Variants in TMEM243 observed in about 807,000 individuals in gnomAD.
The protein encoded by TMEM243 is transmembrane protein 243.
A neutral mutation model predicts 15.0 loss-of-function variants in TMEM243; 20 were observed. The ratio of observed to expected loss-of-function variants is 1.33; its 90% confidence interval spans 0.94 to 1.93. The LOEUF (loss-of-function observed/expected upper bound fraction) is 1.93. TMEM243 is among the 30% of genes most tolerant of loss of function. The probability of loss-of-function intolerance (pLI) is 0.00; values close to 1 mark genes in which losing one functional copy is unlikely to be tolerated. For synonymous variants in TMEM243, 72 were observed against 52.7 expected (o/e 1.37, Z -1.59); for missense variants, 156 against 142.1 (o/e 1.10, Z -0.50).
In TMEM243 at chr7:87,219,721, G is replaced by A; in HGVS notation, c.-218C>T. ...GCGCACCTCCTCATCTTGAGCAGCT[G>A]CCGCAGGAAGTGAAAGGAAACAAAC... On this transcript the variant is annotated 5_prime_UTR_variant, in exon 1 of 4. Transcript: ENST00000257637. The A allele has an allele frequency of 3.5e-6, 2 of 573,872 alleles. No homozygotes were observed. The highest frequency in any genetic ancestry group is 6.3e-5 in the Admixed American group (2 of 31,714). The allele number at this position is 573,872 out of a possible 1,614,324, so 35.5% of individuals were successfully genotyped here.
chr7:87,218,963 C>G (rs1431900144), intron 1 of TMEM243, among the ~76,000 whole-genome samples: 1 of 152,110 alleles, frequency 6.6e-6, no homozygotes, highest in African/African-American at 2.4e-5. Context: ...CACCTCAAGC[C>G]TCTCCCCTTT....
At chr7:87,204,786 T>C (rs1236778854) in intron 1 of TMEM243, among the ~76,000 whole-genome samples, 1 of 152,216 alleles carries the variant, frequency 6.6e-6, no homozygotes, top group Non-Finnish European at 1.5e-5. Flanking sequence ...TCGGTGAATC[T>C]ACCATTCTGG....
chr7:87,197,854 T>G (rs1232499451), intron 3 of TMEM243, 87 bp downstream of exon 3: 5 of 1,598,034 alleles, frequency 3.1e-6, no homozygotes, highest in Non-Finnish European at 4.3e-6. Context: ...GATACCCTTT[T>G]GTATAGACCC....
chr7:87,200,116 TAA>T (rs1465916893), intron 1 of TMEM243, among the ~76,000 whole-genome samples: 6 of 152,040 alleles, frequency 3.9e-5, no homozygotes, highest in African/African-American at 7.2e-5. Flanking sequence ...CCACAGAAGT[TAA>T]GAGTCAGGCA....
At chr7:87,203,648 T>C (rs1489869979) in intron 1 of TMEM243, among the ~76,000 whole-genome samples, 1 of 151,958 alleles carries the variant, frequency 6.6e-6, no homozygotes, top group Non-Finnish European at 1.5e-5. Flanking sequence ...CATTTCTCAT[T>C]TAAACGCAAA....
intron 1 of TMEM243, among the ~76,000 whole-genome samples, chr7:87,207,894 G>A (rs995779047): frequency 2.0e-5 from 3 of 152,122 alleles, no homozygotes; most frequent in African/African-American, 4.8e-5. Flanking sequence ...TGTTCCACAT[G>A]AGCAAACTGC....
chr7:87,199,036 C>G lies in TMEM243; in HGVS notation c.100G>C (p.Val34Leu). ...SAKDRIINLV[V>L]GSLTSLLILV... ...ATCAATAAGGATGTTAAGCTGCCAA[C>G]AACTAAATTGATGATTCGATCCTGA... The change falls in exon 2 of 4, where the codon GTT (valine) becomes CTT (leucine). Residue 34 changes from valine to leucine, a missense_variant. Val to Leu is a conservative substitution (Grantham distance 32). Coordinates refer to ENST00000257637, the MANE Select transcript of TMEM243 (RefSeq NM_024315.4). The G allele has an allele frequency of 6.2e-7, 1 of 1,605,756 alleles. No homozygotes were observed. The highest frequency in any genetic ancestry group is 8.5e-7 in the Non-Finnish European group (1 of 1,177,294).
chr7:87,198,579 A>G (rs1297964112), intron 2 of TMEM243: 1 of 173,352 alleles, frequency 5.8e-6, no homozygotes, highest in Non-Finnish European at 1.2e-5. Context: ...TAAAAATTTT[A>G]TTGTAATAGC....
At chr7:87,208,086 C>G (rs117148862) in intron 1 of TMEM243, among the ~76,000 whole-genome samples, 2,178 of 152,246 alleles carry the variant, frequency 0.014, 23 homozygotes, top group Middle Eastern at 0.031. Flanking sequence ...GAGACACAGC[C>G]AAACCATATA....
chr7:87,200,433 G>C (rs1294839650), intron 1 of TMEM243, among the ~76,000 whole-genome samples: 1 of 152,112 alleles, frequency 6.6e-6, no homozygotes, highest in Non-Finnish European at 1.5e-5. Flanking sequence ...TGTGTAGAGA[G>C]ACAAAATCCA....
At chr7:87,211,889 CT>C (rs1202954830) in intron 1 of TMEM243, among the ~76,000 whole-genome samples, 2 of 152,214 alleles carry the variant, frequency 1.3e-5, no homozygotes, top group African/African-American at 4.8e-5. Context: ...TGCTCTGAGA[CT>C]TCCCAAAGCA....
At chr7:87,198,855 GAATTA>G (rs758997484) in intron 2 of TMEM243, 147 bp downstream of exon 2, 22 of 615,810 alleles carry the variant, frequency 3.6e-5, no homozygotes, top group Non-Finnish European at 5.3e-5. Context: ...GGGTGGGGCA[GAATTA>G]AATTAGCTAC....
chr7:87,196,774 A>AAGTT lies in TMEM243; in HGVS notation c.235-20_235-17dup, dbSNP rs775600302. ...ACCAGTAGATCTAAAAGAAGAATTA[A>AAGTT]AGTTTATAAATTAAAATTTGAAATA... On this transcript the variant is annotated splice_polypyrimidine_tract_variant and intron_variant, in intron 3 of 3. Transcript: ENST00000257637. 1.3e-4 allele frequency: 195 copies of AAGTT among 1,503,626 alleles called. No homozygotes were observed. The highest frequency in any genetic ancestry group is 7.0e-4 in the Admixed American group (32 of 45,950). The allele number at this position is 1,503,626 out of a possible 1,614,324, so 93.1% of individuals were successfully genotyped here. A position where few individuals can be genotyped will look rare whatever the true frequency, so the allele number is the denominator to read the frequency against.
At chr7:87,211,847 G>C (rs1317931693) in intron 1 of TMEM243, among the ~76,000 whole-genome samples, 1 of 152,172 alleles carries the variant, frequency 6.6e-6, no homozygotes, top group East Asian at 1.9e-4. Context: ...GCTAACTCTA[G>C]GACGCCGCGA....
chr7:87,212,262 C>G (rs1352030005), intron 1 of TMEM243, among the ~76,000 whole-genome samples: 1 of 152,192 alleles, frequency 6.6e-6, no homozygotes, highest in African/African-American at 2.4e-5. Flanking sequence ...CTCCTCAGAG[C>G]TGAGAGAGCT....
chr7:87,199,758 T>C (rs1801645383), intron 1 of TMEM243: 1 of 152,172 alleles, frequency 6.6e-6, no homozygotes, highest in Admixed American at 6.5e-5. Flanking sequence ...TTAAACTAAA[T>C]TTAGGCCCAG....
At chr7:87,200,773 T>G (rs923296984) in intron 1 of TMEM243, among the ~76,000 whole-genome samples, 3 of 152,116 alleles carry the variant, frequency 2.0e-5, no homozygotes, top group African/African-American at 7.2e-5. Context: ...TACCATTAAG[T>G]GATAAAGACA....
intron 1 of TMEM243, among the ~76,000 whole-genome samples, chr7:87,207,450 G>C (rs1802312922): frequency 2.5e-5 from 1 of 40,708 alleles, no homozygotes; most frequent in Non-Finnish European, 6.3e-5. Context: ...AAAAAAATTA[G>C]CCGGGCGTGG....
At chr7:87,206,812 T>C (rs544343325) in intron 1 of TMEM243, among the ~76,000 whole-genome samples, 2 of 152,238 alleles carry the variant, frequency 1.3e-5, no homozygotes, top group Non-Finnish European at 2.9e-5. Flanking sequence ...TGTGGCACAC[T>C]GTAAGCACTC....
Sources: gnomAD v4.1 joint callset for allele counts (sites outside exome capture counted in the v4.1 genomes callset) on GRCh38, gnomAD v4.1.1 for gene constraint, MANE v1.5 for transcripts, NCBI Gene and HGNC (gene_info 2026-07-23, HGNC 2026-07-21) for gene names.